Variants in CELF2 observed in about 807,000 individuals in gnomAD.
CELF2 encodes the protein CUG triplet repeat RNA-binding protein 2.
Under a neutral mutation model 62.6 loss-of-function variants are expected in CELF2, and 8 were observed. The ratio of observed to expected loss-of-function variants is 0.13; its 90% CI spans 0.07 to 0.23. The LOEUF (loss-of-function observed/expected upper bound fraction) is 0.23. Among genes scored for constraint, CELF2 ranks in the 10% least tolerant of loss-of-function variants. CELF2 has a pLI of 1.00. For missense variants in CELF2, 333 were observed against 671.0 expected (o/e 0.50, Z 5.56); for synonymous variants, 258 against 250.0 (o/e 1.03, Z -0.30).
chr10:10,871,126 A>G (rs942965055), intron 1 of CELF2, among the ~76,000 whole-genome samples: 11 of 152,214 alleles, frequency 7.2e-5, no homozygotes, highest in African/African-American at 2.4e-4. Flanking sequence ...TTCGCAGTCA[A>G]GCTGAGCTGG....
intron 1 of CELF2, among the ~76,000 whole-genome samples, chr10:11,066,196 T>C (rs1289233984): frequency 6.6e-6 from 1 of 152,202 alleles, no homozygotes; most frequent in African/African-American, 2.4e-5. Context: ...ATGAGCTGGC[T>C]TCATTGTGTG....
rs550496136 is a variant in CELF2 at position 11,075,208 on chromosome 10, C to G, written c.74+57045C>G. ...GTGATAAAGGCATGGAGTTGCCCCA[C>G]TCTGTGGCTCCTTCATTTGTAAGGG... On this transcript the variant is annotated intron_variant, in intron 1 of 12. Coordinates refer to ENST00000633077, the MANE Select transcript of CELF2 (RefSeq NM_001326342.2). This position sits in a 1 kb window ranked among gnomAD's most constrained non-coding sequence, Gnocchi z 5.4. The G allele has an allele frequency of 6.6e-6, 1 of 152,236 alleles. No homozygotes were observed. The highest frequency in any genetic ancestry group is 1.5e-5 in the Non-Finnish European group (1 of 68,056). The allele number at this position is 152,236 out of a possible 1,614,324, so 9.4% of individuals were successfully genotyped here.
chr10:10,575,311 A>G, the CELF2 span, among the ~76,000 whole-genome samples: 5 of 152,158 alleles, frequency 3.3e-5, no homozygotes, highest in African/African-American at 1.2e-4. Context: ...GCCTGAGCTA[A>G]TCCATGCTTT....
At chr10:11,205,004 C>T (rs1426340407) in intron 2 of CELF2, among the ~76,000 whole-genome samples, 1 of 152,154 alleles carries the variant, frequency 6.6e-6, no homozygotes, top group Admixed American at 6.5e-5. Flanking sequence ...GGGGGCATAT[C>T]ATAGAGCATA....
chr10:11,152,927 A>C (rs1374896574), intron 1 of CELF2, among the ~76,000 whole-genome samples: 1 of 152,218 alleles, frequency 6.6e-6, no homozygotes, highest in African/African-American at 2.4e-5. Flanking sequence ...AGGTACCATG[A>C]GCTTGGCTGT....
chr10:10,866,013 G>A (rs1410123731), intron 1 of CELF2, among the ~76,000 whole-genome samples: 1 of 152,004 alleles, frequency 6.6e-6, no homozygotes, highest in Non-Finnish European at 1.5e-5. Flanking sequence ...CGTGTGTGGG[G>A]GTAGATTCCT....
At chr10:10,705,789 G>T in the CELF2 span, among the ~76,000 whole-genome samples, 5 of 152,164 alleles carry the variant, frequency 3.3e-5, no homozygotes, top group African/African-American at 1.2e-4. Flanking sequence ...AACACAGGAG[G>T]CCCATTCACC....
chr10:11,030,199 G>A (rs1345771922), intron 1 of CELF2: 2 of 152,180 alleles, frequency 1.3e-5, no homozygotes, highest in Admixed American at 1.3e-4. Context: ...ACTATTTTAT[G>A]AGATTAGTTA....
At chr10:11,206,666 T>A (rs1350965340) in intron 2 of CELF2, among the ~76,000 whole-genome samples, 1 of 152,208 alleles carries the variant, frequency 6.6e-6, no homozygotes, top group African/African-American at 2.4e-5. Context: ...AGCCAGACCC[T>A]CTAGTTGGCT....
At chr10:10,712,574 A>G in the CELF2 span, among the ~76,000 whole-genome samples, 1 of 152,144 alleles carries the variant, frequency 6.6e-6, no homozygotes, top group South Asian at 2.1e-4. Flanking sequence ...ACAACCAGCA[A>G]TGAAATATTT....
intron 1 of CELF2, among the ~76,000 whole-genome samples, chr10:10,834,382 T>C (rs2058108562): frequency 6.6e-6 from 1 of 152,022 alleles, no homozygotes; most frequent in Admixed American, 6.6e-5. Flanking sequence ...ACCTGGATGA[T>C]GAAATAATCT....
chr10:11,283,899 GAT>G lies in CELF2; in HGVS notation c.842-4518_842-4517del, dbSNP rs1237940279. Reference sequence around the variant, plus strand: ...TGGATGGAGGGGTGGGTGGATGATGGATGACTGTGTGGTAGGTGGATGATGGA... The same window carrying G: ...TGGATGGAGGGGTGGGTGGATGATGGGACTGTGTGGTAGGTGGATGATGGA... On this transcript the variant is annotated intron_variant, in intron 8 of 12. Coordinates refer to ENST00000633077, the MANE Select transcript of CELF2 (RefSeq NM_001326342.2). Among the ~76,000 whole-genome samples, 567 of 141,034 alleles carry G rather than the reference GAT, an allele frequency of 4.0e-3. 1 individual carries two copies. Among genetic ancestry groups the G allele is most frequent in the Admixed American group, 4.5e-3 (64 of 14,214 alleles). The allele number at this position is 141,034 out of a possible 152,430, so 92.5% of individuals were successfully genotyped here. A position where few individuals can be genotyped will look rare whatever the true frequency, so the allele number is the denominator to read the frequency against.
At chr10:10,758,374 A>G in the CELF2 span, among the ~76,000 whole-genome samples, 1 of 152,190 alleles carries the variant, frequency 6.6e-6, no homozygotes, top group Non-Finnish European at 1.5e-5. Context: ...TTCTATAAGG[A>G]ATTATCAGCA....
At chr10:10,840,886 C>T (rs1006499615) in intron 1 of CELF2, among the ~76,000 whole-genome samples, 14 of 152,108 alleles carry the variant, frequency 9.2e-5, no homozygotes, top group African/African-American at 3.4e-4. Context: ...GTTCTCCTCC[C>T]TGTGTCCATG....
the CELF2 span, among the ~76,000 whole-genome samples, chr10:10,570,331 G>T: frequency 3.4e-5 from 5 of 147,858 alleles, no homozygotes; most frequent in Non-Finnish European, 7.6e-5. Flanking sequence ...TTAACCAAAA[G>T]CAAGTGAGAG....
At chr10:10,719,976 C>G in the CELF2 span, among the ~76,000 whole-genome samples, 2 of 152,144 alleles carry the variant, frequency 1.3e-5, no homozygotes, top group African/African-American at 4.8e-5. Context: ...TGTTATTAAC[C>G]ATTTCATCTT....
the CELF2 span, among the ~76,000 whole-genome samples, chr10:10,754,501 G>C: frequency 1.3e-5 from 2 of 152,130 alleles, no homozygotes; most frequent in African/African-American, 4.8e-5. Context: ...AGAGACACTA[G>C]ACAGCTTCAA....
the CELF2 span, among the ~76,000 whole-genome samples, chr10:10,466,878 TGGG>T: frequency 6.6e-6 from 1 of 152,104 alleles, no homozygotes; most frequent in Non-Finnish European, 1.5e-5. Flanking sequence ...CAATTTTTAT[TGGG>T]CTCCATGTGT....
intron 8 of CELF2, among the ~76,000 whole-genome samples, chr10:11,279,628 C>T (rs2087531829): frequency 6.6e-6 from 1 of 152,158 alleles, no homozygotes; most frequent in Non-Finnish European, 1.5e-5. Context: ...TAACAACTGA[C>T]ATCTGTTCAT....
Sources: allele counts gnomAD v4.1 joint callset (sites outside exome capture counted in the v4.1 genomes callset), GRCh38; gene constraint gnomAD v4.1.1; non-coding constraint Gnocchi (gnomAD v3.1); transcripts MANE v1.5; gene names NCBI Gene and HGNC (gene_info 2026-07-23, HGNC 2026-07-21).